GRIA2: variants seen among roughly 807,000 people sequenced by gnomAD.
GRIA2 encodes the protein glutamate ionotropic receptor AMPA type subunit 2, also known as glutamate receptor 2.
In GRIA2, 14 loss-of-function variants were observed where a neutral mutation model predicts 97.3. The ratio of observed to expected loss-of-function variants is 0.14; its 90% confidence interval spans 0.10 to 0.23. The LOEUF (loss-of-function observed/expected upper bound fraction) is 0.23. GRIA2 is among the 10% of genes least tolerant of loss of function. GRIA2 has a pLI of 1.00. For synonymous variants in GRIA2, 412 were observed against 387.8 expected (o/e 1.06, Z -0.73); for missense variants, 558 against 1,069.8 (o/e 0.52, Z 6.67).
Position 157,220,758 on chromosome 4 carries a change from A to T in GRIA2, c.-285A>T, listed in dbSNP as rs1027849062. ...TGTGTGAGTGCATGGGAGGGTGCTG[A>T]ATATTCCGAGACACTGGGACCACAG... On this transcript the variant is annotated 5_prime_UTR_variant, in exon 1 of 16. An upstream open reading frame in the 5' UTR loses its in-frame stop. Transcript: ENST00000264426. The T allele has an allele frequency of 1.0e-5, 5 of 497,676 alleles. No individual in the cohort carries two copies. Among genetic ancestry groups the T allele is most frequent in the Non-Finnish European group, 1.8e-5 (5 of 274,450 alleles). The allele number at this position is 497,676 out of a possible 1,614,324, so 30.8% of individuals were successfully genotyped here. A position where few individuals can be genotyped will look rare whatever the true frequency, so the allele number is the denominator to read the frequency against.
At chr4:157,272,419 G>A (rs1732074543) in intron 2 of GRIA2, among the ~76,000 whole-genome samples, 1 of 151,966 alleles carries the variant, frequency 6.6e-6, no homozygotes, top group South Asian at 2.1e-4. Context: ...ACCAACTGGA[G>A]CAGAAACTCC....
At chr4:157,302,778 T>C (rs1001098900) in intron 2 of GRIA2, among the ~76,000 whole-genome samples, 3 of 152,122 alleles carry the variant, frequency 2.0e-5, no homozygotes, top group African/African-American at 7.2e-5. Flanking sequence ...GACTGACTTT[T>C]GGGGGAAGGA....
intron 1 of GRIA2, chr4:157,221,370 C>A: frequency 1.8e-6 from 1 of 562,464 alleles, no homozygotes; most frequent in Non-Finnish European, 3.1e-6. Flanking sequence ...ATTAATTCTG[C>A]CTTAGCGACA....
At chr4:157,336,853 C>A in intron 11 of GRIA2, 106 bp downstream of exon 11, 1 of 1,034,228 alleles carries the variant, frequency 9.7e-7, no homozygotes, top group Non-Finnish European at 1.4e-6. Flanking sequence ...GACTTCCTGT[C>A]CAAGCAGTTT....
Position 157,270,612 on chromosome 4 carries a change from T to C in GRIA2, c.230-32940T>C, listed in dbSNP as rs140157715. 3.0e-3 allele frequency among the ~76,000 whole-genome samples: 451 copies of C among 152,208 alleles called. 2 individuals carry two copies. The highest frequency in any genetic ancestry group is 0.011 in the African/African-American group (438 of 41,574). ...TCCCAGTTGATGGAAAAGTGAAATA[T>C]ACAGTCTTTAACTCCAACTCATACT... On this transcript the variant is annotated intron_variant, in intron 2 of 15. Transcript: ENST00000264426.
rs1409027891 is a variant in GRIA2 at position 157,257,421 on chromosome 4, G to A, written c.229+35614G>A. On this transcript the variant is annotated intron_variant, in intron 2 of 15. Coordinates refer to ENST00000264426, the MANE Select transcript of GRIA2 (RefSeq NM_001083619.3). ...AAAGTGAATGTGTCTTAAAAATACA[G>A]GTCTAACTGCTTACAAAGATCAATG... Among the ~76,000 whole-genome samples the A allele has an allele frequency of 1.1e-4, 17 of 151,972 alleles. 1 individual carries two copies. The highest frequency in any genetic ancestry group is 1.1e-3 in the Admixed American group (16 of 15,226).
chr4:157,323,851 T>C (rs1734693565), intron 6 of GRIA2, among the ~76,000 whole-genome samples: 1 of 152,214 alleles, frequency 6.6e-6, no homozygotes, highest in South Asian at 2.1e-4. Context: ...GCTCCCTTCC[T>C]GCTGTAGCAT....
chr4:157,230,442 A>G (rs1241582299), intron 2 of GRIA2, among the ~76,000 whole-genome samples: 3 of 152,212 alleles, frequency 2.0e-5, no homozygotes, highest in Non-Finnish European at 2.9e-5. Context: ...AAGAGGCAGC[A>G]TAACTTGGTG....
At chr4:157,335,631 C>T in intron 9 of GRIA2, 40 bp from the exon 10 acceptor site, 2 of 1,191,836 alleles carry the variant, frequency 1.7e-6, no homozygotes, top group Non-Finnish European at 2.5e-6. Context: ...ATAATTAACA[C>T]AGATATTTTA....
intron 2 of GRIA2, among the ~76,000 whole-genome samples, chr4:157,278,091 G>C (rs1209665309): frequency 6.6e-6 from 1 of 151,412 alleles, no homozygotes; most frequent in African/African-American, 2.4e-5. Flanking sequence ...ACCTCAGCCA[G>C]TTATTGTGTA....
At chr4:157,354,809 G>A (rs1736175473) in intron 12 of GRIA2, among the ~76,000 whole-genome samples, 1 of 152,176 alleles carries the variant, frequency 6.6e-6, no homozygotes, top group African/African-American at 2.4e-5. Context: ...TCTTTCTATA[G>A]GGAAGGATTC....
At chr4:157,260,795 T>G (rs1731496868) in intron 2 of GRIA2, among the ~76,000 whole-genome samples, 1 of 152,012 alleles carries the variant, frequency 6.6e-6, no homozygotes, top group Admixed American at 6.6e-5. Context: ...CTCCTCTTTT[T>G]CCTCCTTCAT....
At chr4:157,285,350 G>A (rs1312298809) in intron 2 of GRIA2, among the ~76,000 whole-genome samples, 1 of 151,210 alleles carries the variant, frequency 6.6e-6, no homozygotes, top group Non-Finnish European at 1.5e-5. Flanking sequence ...GATTAATGTT[G>A]TGATTTGCCT....
intron 2 of GRIA2, among the ~76,000 whole-genome samples, chr4:157,250,425 CA>C (rs1730970196): frequency 6.6e-6 from 1 of 151,994 alleles, no homozygotes; most frequent in Admixed American, 6.6e-5. Context: ...AAACATGGAG[CA>C]GGGTCAATTT....
At chr4:157,330,123 C>T (rs1463864240) in intron 6 of GRIA2, among the ~76,000 whole-genome samples, 2 of 151,926 alleles carry the variant, frequency 1.3e-5, no homozygotes, top group Non-Finnish European at 2.9e-5. Context: ...CCTTCCTTTT[C>T]AACGCTCTTG....
At chr4:157,327,722 T>C (rs987246054) in intron 6 of GRIA2, among the ~76,000 whole-genome samples, 1 of 152,146 alleles carries the variant, frequency 6.6e-6, no homozygotes, top group African/African-American at 2.4e-5. Flanking sequence ...GTGGCTGACA[T>C]TTGTGTGGCA....
Position 157,335,837 on chromosome 4 carries a change from C to T in GRIA2, c.1433C>T (p.Thr478Met), listed in dbSNP as rs778623018. Residue 478 changes from threonine to methionine, a missense_variant, in exon 10 of 16, where the codon ACG becomes ATG. Coordinates refer to ENST00000264426, the MANE Select transcript of GRIA2 (RefSeq NM_001083619.3). ...DGKYGARDAD[T>M]KIWNGMVGEL... ...AAGTATGGGGCCAGGGATGCAGACA[C>T]GAAAATTTGGAATGGGATGGTTGGA... 5.6e-6 allele frequency: 9 copies of T among 1,611,674 alleles called. No individual in the cohort carries two copies. Among genetic ancestry groups the T allele is most frequent in the Admixed American group, 3.3e-5 (2 of 59,754 alleles).
chr4:157,229,886 A>G (rs1466994215), intron 2 of GRIA2, among the ~76,000 whole-genome samples: 3 of 152,162 alleles, frequency 2.0e-5, no homozygotes. Flanking sequence ...ATTTCAGTGA[A>G]CCTGAGAAGG....
intron 2 of GRIA2, among the ~76,000 whole-genome samples, chr4:157,293,018 C>T (rs1369275596): frequency 6.6e-6 from 1 of 152,072 alleles, no homozygotes; most frequent in East Asian, 1.9e-4. Flanking sequence ...AATGAAATGT[C>T]ATTTTTACCT....
Sources: gnomAD v4.1 joint callset for allele counts (sites outside exome capture counted in the v4.1 genomes callset) on GRCh38, gnomAD v4.1.1 for gene constraint, MANE v1.5 for transcripts, NCBI Gene and HGNC (gene_info 2026-07-23, HGNC 2026-07-21) for gene names.